KLHL1: variants seen among roughly 807,000 people sequenced by gnomAD.
KLHL1 encodes kelch-like protein 1.
Under a neutral mutation model 77.7 loss-of-function variants are expected in KLHL1, and 47 were observed. The observed-to-expected ratio is 0.60, with a 90% CI of 0.48 to 0.77. The LOEUF is 0.77. KLHL1 is among the 30% of genes least tolerant of loss of function. The pLI is 0.00. For synonymous variants in KLHL1, 360 were observed against 325.2 expected, an observed-to-expected ratio of 1.11 and a Z score of -1.15; for missense variants, 925 against 910.8, an observed-to-expected ratio of 1.02 and a Z score of -0.20.
intron 4 of KLHL1, among the ~76,000 whole-genome samples, chr13:69,927,505 C>T (rs929322562): frequency 6.6e-6 from 1 of 152,072 alleles, no homozygotes; most frequent in Non-Finnish European, 1.5e-5. Context: ...GTTTGCAAAT[C>T]ATATAGTTGA....
At chr13:69,976,673 T>C (rs1489072921) in intron 1 of KLHL1, among the ~76,000 whole-genome samples, 1 of 152,092 alleles carries the variant, frequency 6.6e-6, no homozygotes, top group South Asian at 2.1e-4. Flanking sequence ...GCTTACTTCA[T>C]GATAAATATC....
chr13:69,778,143 T>C (rs1348135911), intron 7 of KLHL1, among the ~76,000 whole-genome samples: 1 of 152,058 alleles, frequency 6.6e-6, no homozygotes, highest in Admixed American at 6.5e-5. Context: ...AAGGATGAGG[T>C]TGCTATAAAA....
intron 7 of KLHL1, among the ~76,000 whole-genome samples, chr13:69,743,564 C>T (rs1403976251): frequency 1.3e-5 from 2 of 152,064 alleles, no homozygotes; most frequent in Non-Finnish European, 2.9e-5. Flanking sequence ...GTGGGCAAAT[C>T]ACTTGAGGCC....
In KLHL1 at chr13:69,992,952, T is replaced by C. The variant is rs376701134; in HGVS notation, c.498-17150A>G. 4.3e-4 allele frequency among the ~76,000 whole-genome samples: 65 copies of C among 152,048 alleles called. 2 individuals are homozygous for C. In the South Asian group the frequency reaches 0.012, roughly 29 times the overall value. On this transcript the variant is annotated intron_variant, in intron 1 of 10. Coordinates refer to ENST00000377844, the MANE Select transcript of KLHL1 (RefSeq NM_020866.3). ...AAAAAAACATGTACCTTTCTTACAG[T>C]GTCAGTAACTCAGCTGAAATTTTAA...
At chr13:69,709,435 A>G (rs1875775516) in intron 9 of KLHL1, among the ~76,000 whole-genome samples, 1 of 152,108 alleles carries the variant, frequency 6.6e-6, no homozygotes, top group Admixed American at 6.6e-5. Flanking sequence ...CAAAAGATAA[A>G]GAGTAAATAA....
chr13:69,921,502 GCAAT>G (rs1346222268), intron 4 of KLHL1, among the ~76,000 whole-genome samples: 1 of 152,108 alleles, frequency 6.6e-6, no homozygotes, highest in Non-Finnish European at 1.5e-5. Flanking sequence ...CCAGATCCAT[GCAAT>G]CAATCTTTCT....
At chr13:70,009,089 T>C (rs1254307770) in intron 1 of KLHL1, among the ~76,000 whole-genome samples, 1 of 152,146 alleles carries the variant, frequency 6.6e-6, no homozygotes, top group Non-Finnish European at 1.5e-5. Context: ...CTTATGTATT[T>C]ATACCATAAG....
chr13:69,780,021 C>CTCTA lies in KLHL1; in HGVS notation c.1639+16713_1639+16716dup, dbSNP rs140370798. The stretch of plus-strand genomic sequence containing the variant: ...GTTTCACCATGTTGGCCAGGCTTGT[C>CTCTA]TCTATCTATCTCCTGATCTCGGGTG... On this transcript the variant is annotated intron_variant, in intron 7 of 10. Transcript: ENST00000377844. Among the ~76,000 whole-genome samples the CTCTA allele has an allele frequency of 6.4e-3, 968 of 152,076 alleles. 9 individuals carry two copies. The highest frequency in any genetic ancestry group is 0.021 in the African/African-American group (879 of 41,494).
At chr13:69,710,082 T>C (rs1875809166) in intron 9 of KLHL1, among the ~76,000 whole-genome samples, 1 of 151,614 alleles carries the variant, frequency 6.6e-6, no homozygotes, top group Non-Finnish European at 1.5e-5. Context: ...GTTGCAAATA[T>C]AAGTATATAT....
intron 7 of KLHL1, among the ~76,000 whole-genome samples, chr13:69,759,745 A>G (rs1197959691): frequency 1.3e-5 from 2 of 152,180 alleles, no homozygotes; most frequent in African/African-American, 4.8e-5. Flanking sequence ...GTGAAATAAG[A>G]TAGAAAATTT....
chr13:70,064,084 G>A (rs1246139101), intron 1 of KLHL1, among the ~76,000 whole-genome samples: 1 of 152,012 alleles, frequency 6.6e-6, no homozygotes, highest in African/African-American at 2.4e-5. Context: ...CGGATTAATG[G>A]ACACAAAGAC....
At chr13:70,000,284 T>C (rs1466888205) in intron 1 of KLHL1, among the ~76,000 whole-genome samples, 9 of 151,978 alleles carry the variant, frequency 5.9e-5, no homozygotes, top group Admixed American at 3.3e-4. Context: ...CAAAAAAGAA[T>C]AGCTCATGTT....
intron 1 of KLHL1, among the ~76,000 whole-genome samples, chr13:69,978,772 C>T (rs535895027): frequency 1.3e-5 from 2 of 152,264 alleles, no homozygotes; most frequent in African/African-American, 2.4e-5. Flanking sequence ...CAGGCGTGAG[C>T]CACTGTGCCT....
At chr13:70,100,956 C>T (rs77110419) in intron 1 of KLHL1, among the ~76,000 whole-genome samples, 3,851 of 152,194 alleles carry the variant, frequency 0.025, 115 homozygotes, top group African/African-American at 0.072. Context: ...CCAACATATG[C>T]TACAGATAAC....
intron 7 of KLHL1, among the ~76,000 whole-genome samples, chr13:69,794,367 G>C (rs769424609): frequency 1.2e-4 from 18 of 152,226 alleles, no homozygotes; most frequent in Non-Finnish European, 2.4e-4. Flanking sequence ...TCTGATACTG[G>C]CCACATGAGT....
At chr13:70,078,641 G>T (rs887600491) in intron 1 of KLHL1, among the ~76,000 whole-genome samples, 13 of 152,022 alleles carry the variant, frequency 8.6e-5, no homozygotes, top group Admixed American at 1.3e-4. Flanking sequence ...TAGCCTCTTT[G>T]CCTTCAAATC....
intron 1 of KLHL1, among the ~76,000 whole-genome samples, chr13:69,982,556 C>T (rs77797862): frequency 7.3e-4 from 110 of 150,224 alleles, no homozygotes; most frequent in African/African-American, 1.8e-3. Context: ...AAAGAGAGAA[C>T]GAAAGTAAGA....
chr13:70,061,871 A>C (rs1210081081), intron 1 of KLHL1, among the ~76,000 whole-genome samples: 1 of 152,154 alleles, frequency 6.6e-6, no homozygotes, highest in Non-Finnish European at 1.5e-5. Flanking sequence ...TGATATACGT[A>C]TACAACATGT....
chr13:69,877,343 A>C (rs141689373), intron 5 of KLHL1, among the ~76,000 whole-genome samples: 1 of 152,310 alleles, frequency 6.6e-6, no homozygotes, highest in Non-Finnish European at 1.5e-5. Flanking sequence ...AGTGGAAATA[A>C]TTGTTATAAA....
Sources: gnomAD v4.1 joint callset for allele counts (sites outside exome capture counted in the v4.1 genomes callset) on GRCh38, gnomAD v4.1.1 for gene constraint, MANE v1.5 for transcripts, NCBI Gene and HGNC (gene_info 2026-07-23, HGNC 2026-07-21) for gene names.